EEPD1: variants seen among roughly 807,000 people sequenced by gnomAD.
EEPD1 encodes the protein endonuclease/exonuclease/phosphatase family domain-containing protein 1.
In EEPD1, 17 loss-of-function variants were observed where a neutral mutation model predicts 46.3. The observed-to-expected ratio is 0.37, with a 90% CI of 0.25 to 0.55. The LOEUF (loss-of-function observed/expected upper bound fraction) is 0.55, where lower values mean the gene tolerates loss of function less well. Among genes scored for constraint, EEPD1 ranks in the 20% least tolerant of loss-of-function variants. The pLI, the probability that EEPD1 is intolerant of heterozygous loss-of-function variation, is 0.83. For missense variants in EEPD1, 673 were observed against 745.6 expected, an observed-to-expected ratio of 0.90 and a Z score of 1.13; for synonymous variants, 313 against 315.6, an observed-to-expected ratio of 0.99 and a Z score of 0.09.
chr7:36,166,577 A>AAAC (rs1784985671), intron 2 of EEPD1, among the ~76,000 whole-genome samples: 1 of 148,322 alleles, frequency 6.7e-6, no homozygotes, highest in African/African-American at 2.5e-5. Flanking sequence ...AACAAACAAA[A>AAAC]AAACAGGCTT....
intron 2 of EEPD1, among the ~76,000 whole-genome samples, chr7:36,218,805 GC>G (rs1786079257): frequency 1.3e-5 from 2 of 152,300 alleles, no homozygotes; most frequent in Admixed American, 6.5e-5. Context: ...TTAGAAATAG[GC>G]ATGTTATGGT....
chr7:36,271,136 G>A (rs6975993), intron 3 of EEPD1, among the ~76,000 whole-genome samples: 8,840 of 151,982 alleles, frequency 0.058, 310 homozygotes, highest in Middle Eastern at 0.12. Flanking sequence ...ACAGGCGCCC[G>A]CCACCACGCC....
At chr7:36,253,955 T>C (rs969352412) in intron 3 of EEPD1, among the ~76,000 whole-genome samples, 19 of 152,214 alleles carry the variant, frequency 1.2e-4, no homozygotes, top group African/African-American at 4.6e-4. Flanking sequence ...TGAATTTATG[T>C]CTGCCATTTT....
At chr7:36,156,187 G>A (rs111266276) in intron 2 of EEPD1, among the ~76,000 whole-genome samples, 4 of 152,142 alleles carry the variant, frequency 2.6e-5, no homozygotes, top group East Asian at 3.9e-4. Flanking sequence ...CGGCGGGGGG[G>A]CAGCAGTTTG....
At chr7:36,212,515 C>A (rs1005919195) in intron 2 of EEPD1, among the ~76,000 whole-genome samples, 1 of 40,594 alleles carries the variant, frequency 2.5e-5, no homozygotes, top group African/African-American at 5.6e-5. Context: ...TACAATATAA[C>A]CATTAAAAAT....
chr7:36,216,424 C>T (rs1786031110), intron 2 of EEPD1, among the ~76,000 whole-genome samples: 1 of 152,192 alleles, frequency 6.6e-6, no homozygotes, highest in South Asian at 2.1e-4. Flanking sequence ...ACACCTTTTC[C>T]ACCTATTGGA....
At chr7:36,172,542 G>T (rs1785102573) in intron 2 of EEPD1, among the ~76,000 whole-genome samples, 1 of 151,330 alleles carries the variant, frequency 6.6e-6, no homozygotes, top group Non-Finnish European at 1.5e-5. Flanking sequence ...CCCATGGCCT[G>T]CAGGCTGCAT....
At chr7:36,191,434 G>A (rs1451562999) in intron 2 of EEPD1, among the ~76,000 whole-genome samples, 1 of 152,220 alleles carries the variant, frequency 6.6e-6, no homozygotes, top group African/African-American at 2.4e-5. Flanking sequence ...TAGAACAAGA[G>A]AGTGCAGGAG....
chr7:36,198,837 G>A lies in EEPD1; in HGVS notation c.879-40148G>A, dbSNP rs576487732. Among the ~76,000 whole-genome samples the A allele has an allele frequency of 7.9e-5, 12 of 152,126 alleles. No homozygotes were observed. In the South Asian group the frequency reaches 1.5e-3, roughly 18 times the overall value. The stretch of plus-strand genomic sequence containing the variant: ...AGCCACGGTCACTCTGGTGAAGCCC[G>A]CCTTCTCCTGCTACCACCTGTCTTG... On this transcript the variant is annotated intron_variant, in intron 2 of 7. Coordinates refer to ENST00000242108, the MANE Select transcript of EEPD1 (RefSeq NM_030636.3).
At chr7:36,210,494 C>T (rs1297534879) in intron 2 of EEPD1, among the ~76,000 whole-genome samples, 1 of 152,064 alleles carries the variant, frequency 6.6e-6, no homozygotes, top group Non-Finnish European at 1.5e-5. Context: ...TCAGCTTGTT[C>T]CCTGCATACC....
At chr7:36,281,248 G>T in intron 4 of EEPD1, 23 bp downstream of exon 4, 1 of 1,602,326 alleles carries the variant, frequency 6.2e-7, no homozygotes, top group Non-Finnish European at 8.5e-7. Context: ...GCAAAGCCTG[G>T]CCTTTCCCTT....
At chr7:36,183,413 G>A (rs2540667) in intron 2 of EEPD1, among the ~76,000 whole-genome samples, 21,078 of 152,092 alleles carry the variant, frequency 0.14, 1,767 homozygotes, top group Non-Finnish European at 0.19. Flanking sequence ...CCTTTTCCCA[G>A]CATATTGGAG....
intron 2 of EEPD1, among the ~76,000 whole-genome samples, chr7:36,166,804 C>T (rs199665598): frequency 2.0e-5 from 3 of 152,020 alleles, no homozygotes; most frequent in East Asian, 3.9e-4. Context: ...AGGCTTTTTC[C>T]GCAGAGAGGG....
intron 2 of EEPD1, among the ~76,000 whole-genome samples, chr7:36,180,351 C>T (rs77911409): frequency 0.021 from 3,122 of 152,224 alleles, 36 homozygotes; most frequent in Non-Finnish European, 0.025. Flanking sequence ...GATGAGGCAA[C>T]AGCTGTTTTC....
chr7:36,225,517 A>G lies in EEPD1; in HGVS notation c.879-13468A>G, dbSNP rs1396214557. ...GAAAGAGACGGCCACATCTGAGCAT[A>G]CCCTGGGAATAATAAAGAATAACAA... is the stretch of plus-strand genomic sequence containing the variant. On this transcript the variant is annotated intron_variant, in intron 2 of 7. Transcript: ENST00000242108. This position sits in a 1 kb window ranked among gnomAD's most constrained non-coding sequence, Gnocchi z 4.2. 6.6e-6 allele frequency among the ~76,000 whole-genome samples: 1 copy of G among 152,162 alleles called. No homozygotes were observed.
Position 36,154,218 on chromosome 7 carries a change from T to G in EEPD1, c.-107T>G. ...AGTAACCTCTTCAGTCCCTGAATCCTGCACCTTCCGTTTTTCTGTGCTTGT... is the reference window on the plus strand; with the variant it reads ...AGTAACCTCTTCAGTCCCTGAATCCGGCACCTTCCGTTTTTCTGTGCTTGT... On this transcript the variant is annotated 5_prime_UTR_variant, in exon 2 of 8. Transcript: ENST00000242108. The surrounding 1 kb of genome is among the most constrained non-coding windows in gnomAD (Gnocchi z 4.2). 1 of 1,379,486 alleles carries G rather than the reference T, an allele frequency of 7.2e-7. No individual in the cohort carries two copies. The highest frequency in any genetic ancestry group is 9.6e-7 in the Non-Finnish European group (1 of 1,041,424). The allele number at this position is 1,379,486 out of a possible 1,614,324, so 85.5% of individuals were successfully genotyped here.
intron 6 of EEPD1, among the ~76,000 whole-genome samples, chr7:36,292,604 T>G (rs901865984): frequency 5.3e-5 from 8 of 151,644 alleles, no homozygotes; most frequent in Non-Finnish European, 1.0e-4. Context: ...GTCTCCCGGG[T>G]TCAAGCGATT....
At chr7:36,219,522 A>AGAAAG (rs1210324074) in intron 2 of EEPD1, among the ~76,000 whole-genome samples, 1 of 149,696 alleles carries the variant, frequency 6.7e-6, no homozygotes, top group Non-Finnish European at 1.5e-5. Context: ...AAGGAAGGAA[A>AGAAAG]GAAAGGAAAG....
chr7:36,281,028 A>C, intron 3 of EEPD1, 87 bp from the exon 4 acceptor site: 1 of 1,053,508 alleles, frequency 9.5e-7, no homozygotes, highest in Non-Finnish European at 1.4e-6. Context: ...ACTCAGAATC[A>C]TGCAGTGCCT....
Sources: gnomAD v4.1 joint callset for allele counts (sites outside exome capture counted in the v4.1 genomes callset) on GRCh38, gnomAD v4.1.1 for gene constraint, Gnocchi (gnomAD v3.1) non-coding constraint, MANE v1.5 for transcripts, NCBI Gene and HGNC (gene_info 2026-07-23, HGNC 2026-07-21) for gene names.